ADAMTSL3: variants seen among roughly 807,000 people sequenced by gnomAD.
ADAMTSL3 encodes ADAMTS-like protein 3.
A neutral mutation model predicts 201.7 loss-of-function variants in ADAMTSL3; 128 were observed. The observed-to-expected ratio is 0.63, with a 90% CI of 0.55 to 0.73. ADAMTSL3 has a LOEUF of 0.73. Among genes scored for constraint, ADAMTSL3 ranks in the 30% least tolerant of loss-of-function variants. ADAMTSL3 has a pLI of 0.00. For missense variants in ADAMTSL3, 1,990 were observed against 2,119.6 expected (o/e 0.94, Z 1.20); for synonymous variants, 738 against 748.4 (o/e 0.99, Z 0.23).
intron 23 of ADAMTSL3, among the ~76,000 whole-genome samples, chr15:84,010,460 C>A (rs1355473988): frequency 6.6e-6 from 1 of 152,180 alleles, no homozygotes; most frequent in Admixed American, 6.5e-5. Context: ...ATATGGTTTT[C>A]TTCTAGTAAA....
At chr15:84,003,004 G>C (rs1185759653) in intron 23 of ADAMTSL3, among the ~76,000 whole-genome samples, 4 of 133,812 alleles carry the variant, frequency 3.0e-5, no homozygotes, top group Non-Finnish European at 3.1e-5. Context: ...TGCCACTGCA[G>C]TGCCATGCAG....
chr15:83,849,027 A>G (rs76309197), intron 7 of ADAMTSL3, among the ~76,000 whole-genome samples: 4,978 of 152,316 alleles, frequency 0.033, 281 homozygotes, highest in African/African-American at 0.11. Context: ...AATGTGATCA[A>G]CAGGAACCAG....
At chr15:84,016,277 A>T (rs1428414690) in intron 24 of ADAMTSL3, 106 bp from the exon 25 acceptor site, 1 of 799,774 alleles carries the variant, frequency 1.3e-6, no homozygotes, top group Non-Finnish European at 2.1e-6. Flanking sequence ...GCACAGTATT[A>T]TTATAGAGGA....
chr15:83,815,955 C>T (rs879295525), intron 5 of ADAMTSL3, among the ~76,000 whole-genome samples: 5 of 152,156 alleles, frequency 3.3e-5, no homozygotes, highest in Non-Finnish European at 7.4e-5. Context: ...ATCAGGCTGC[C>T]TTAATCAGAT....
chr15:83,744,481 A>T (rs2062511084), intron 3 of ADAMTSL3, among the ~76,000 whole-genome samples: 1 of 152,182 alleles, frequency 6.6e-6, no homozygotes, highest in Non-Finnish European at 1.5e-5. Context: ...ATTAATTTTA[A>T]TTGGCAAAAA....
intron 2 of ADAMTSL3, among the ~76,000 whole-genome samples, chr15:83,672,633 T>C (rs1231830688): frequency 1.3e-5 from 2 of 152,062 alleles, no homozygotes; most frequent in Non-Finnish European, 2.9e-5. Flanking sequence ...AGAAAAGAGG[T>C]GTGGGATGGG....
At chr15:83,981,156 G>T (rs1047668267) in intron 20 of ADAMTSL3, among the ~76,000 whole-genome samples, 5 of 152,194 alleles carry the variant, frequency 3.3e-5, no homozygotes, top group African/African-American at 1.2e-4. Context: ...AGAGGATCCA[G>T]ACTTCCACCC....
chr15:83,999,080 C>CA (rs200734001), intron 23 of ADAMTSL3, among the ~76,000 whole-genome samples: 22 of 150,734 alleles, frequency 1.5e-4, no homozygotes, highest in African/African-American at 3.4e-4. Flanking sequence ...TATCATGAGG[C>CA]AAAAAAAAAT....
At chr15:83,704,274 T>C in intron 2 of ADAMTSL3, 115 bp from the exon 3 acceptor site, 1 of 1,483,140 alleles carries the variant, frequency 6.7e-7, no homozygotes, top group Non-Finnish European at 9.2e-7. Context: ...CTTCCCTTTT[T>C]GTTTCTTGGT....
At position 83,881,282 on chromosome 15, in the gene ADAMTSL3, G is replaced by A. The variant is rs2065265693; in HGVS notation, c.961-3819G>A. Among the ~76,000 whole-genome samples, 5 of 152,140 alleles carry A rather than the reference G, an allele frequency of 3.3e-5. No individual in the cohort carries two copies. The South Asian group carries it at 8.3e-4, about 25-fold the overall frequency. On this transcript the variant is annotated intron_variant, in intron 9 of 29. Transcript: ENST00000286744. ...TATTCCTATGATAGAACTTTCTAGG[G>A]TCCTGGGTTGGGAACCTGGGGTGTT... is the stretch of plus-strand genomic sequence containing the variant.
chr15:83,832,262 C>A (rs927021621), intron 6 of ADAMTSL3, among the ~76,000 whole-genome samples: 2 of 151,204 alleles, frequency 1.3e-5, no homozygotes, highest in African/African-American at 4.9e-5. Flanking sequence ...TCACTACTCG[C>A]CACCCCCTGT....
Position 83,780,366 on chromosome 15 carries a change from T to C in ADAMTSL3, c.317+6716T>C, listed in dbSNP as rs1394975963. ...CAGAGGTTGCAGTGAGCCAAGATCC[T>C]GCCATTGCACTGCAGCCTGGGCGAC... On this transcript the variant is annotated intron_variant, in intron 4 of 29. Transcript: ENST00000286744. Among the ~76,000 whole-genome samples, 3 of 150,032 alleles carry C rather than the reference T, an allele frequency of 2.0e-5. No homozygotes were observed. The East Asian group carries it at 5.9e-4, about 30-fold the overall frequency.
chr15:83,669,669 C>T (rs1005116641), intron 2 of ADAMTSL3, among the ~76,000 whole-genome samples: 10 of 151,404 alleles, frequency 6.6e-5, no homozygotes, highest in Admixed American at 2.6e-4. Context: ...GGGGTTTCAC[C>T]CTGTTAGCCA....
intron 10 of ADAMTSL3, among the ~76,000 whole-genome samples, chr15:83,885,906 G>A (rs1280353066): frequency 6.6e-6 from 1 of 152,048 alleles, no homozygotes; most frequent in Non-Finnish European, 1.5e-5. Flanking sequence ...TGTATTTTTA[G>A]TAAAGACAGG....
intron 22 of ADAMTSL3, among the ~76,000 whole-genome samples, chr15:83,989,614 G>A (rs1259437216): frequency 1.3e-5 from 2 of 152,172 alleles, no homozygotes; most frequent in Non-Finnish European, 2.9e-5. Context: ...CTTCTTGGGA[G>A]GTGGACAATG....
rs540556670 is a variant in ADAMTSL3 at position 83,759,841 on chromosome 15, A to G, written c.190-13682A>G. Among the ~76,000 whole-genome samples the G allele has an allele frequency of 5.1e-4, 77 of 152,288 alleles. 1 individual carries two copies. The South Asian group carries it at 0.015, about 30-fold the overall frequency. ...AACATAAAGAAACATAATATATTTC[A>G]TAATATGAAATATATTAACATAAAG... On this transcript the variant is annotated intron_variant, in intron 3 of 29. Transcript: ENST00000286744.
intron 3 of ADAMTSL3, among the ~76,000 whole-genome samples, chr15:83,757,242 T>A (rs981151512): frequency 6.6e-6 from 1 of 152,280 alleles, no homozygotes; most frequent in African/African-American, 2.4e-5. Context: ...TTGCCCCTGC[T>A]GCAAACTTTT....
Position 83,911,051 on chromosome 15 carries a change from A to AT in ADAMTSL3, c.1701-2035dup, listed in dbSNP as rs1208418618. Among the ~76,000 whole-genome samples, 4 of 152,270 alleles carry AT rather than the reference A, an allele frequency of 2.6e-5. No individual in the cohort carries two copies. In the East Asian group the frequency reaches 7.7e-4, roughly 29 times the overall value. On this transcript the variant is annotated intron_variant, in intron 15 of 29. Coordinates refer to ENST00000286744, the MANE Select transcript of ADAMTSL3 (RefSeq NM_207517.3). Reference sequence around the variant, plus strand: ...CATTAAAACAAAATCCCAATTTTTAATTTTTTATTACCAAGGAGAAAAGAG... The same window carrying AT: ...CATTAAAACAAAATCCCAATTTTTAATTTTTTTATTACCAAGGAGAAAAGAG...
chr15:83,747,389 T>G (rs1418357992), intron 3 of ADAMTSL3, among the ~76,000 whole-genome samples: 1 of 152,230 alleles, frequency 6.6e-6, no homozygotes, highest in Non-Finnish European at 1.5e-5. Flanking sequence ...TGTCCCCACT[T>G]TGGTCAGTTT....
Sources: gnomAD v4.1 joint callset for allele counts (sites outside exome capture counted in the v4.1 genomes callset) on GRCh38, gnomAD v4.1.1 for gene constraint, MANE v1.5 for transcripts, NCBI Gene and HGNC (gene_info 2026-07-23, HGNC 2026-07-21) for gene names.